The following CLDN10 variants were observed in gnomAD, a reference collection of about 807,000 sequenced individuals.
CLDN10 encodes claudin 10.
A neutral mutation model predicts 22.9 loss-of-function variants in CLDN10; 15 were observed. The ratio of observed to expected loss-of-function variants is 0.65; its 90% CI spans 0.44 to 1.01. CLDN10 has a LOEUF of 1.01. CLDN10 is among the 50% of genes least tolerant of loss of function. The pLI is 0.00. For missense variants in CLDN10, 247 were observed against 287.8 expected (o/e 0.86, Z 1.03); for synonymous variants, 114 against 111.4 (o/e 1.02, Z -0.15).
intron 1 of CLDN10, among the ~76,000 whole-genome samples, chr13:95,491,060 T>C (rs978223835): frequency 2.0e-5 from 3 of 152,200 alleles, no homozygotes; most frequent in South Asian, 4.1e-4. Context: ...TTTTGTCTAA[T>C]ATAAGAATAA....
chr13:95,517,885 G>A (rs149842571), intron 1 of CLDN10, among the ~76,000 whole-genome samples: 16 of 137,024 alleles, frequency 1.2e-4, no homozygotes, highest in Non-Finnish European at 2.0e-4. Context: ...AGTGAGCTGA[G>A]ATCGCGCCAT....
chr13:95,523,738 C>T (rs35118150), intron 1 of CLDN10, among the ~76,000 whole-genome samples: 15,145 of 152,128 alleles, frequency 0.1, 924 homozygotes, highest in Middle Eastern at 0.13. Flanking sequence ...CACCAATGCC[C>T]GGCTTATTTA....
At chr13:95,572,704 A>G (rs2043878782) in intron 3 of CLDN10, among the ~76,000 whole-genome samples, 1 of 152,134 alleles carries the variant, frequency 6.6e-6, no homozygotes, top group Non-Finnish European at 1.5e-5. Context: ...ACTTTACTGT[A>G]ATTATCAGTT....
chr13:95,574,509 C>T (rs2043899795), intron 3 of CLDN10, among the ~76,000 whole-genome samples: 2 of 152,152 alleles, frequency 1.3e-5, no homozygotes. Context: ...GTGGTTCACA[C>T]CTGTAATCTC....
At chr13:95,468,381 G>A (rs891390751) in intron 1 of CLDN10, among the ~76,000 whole-genome samples, 7 of 152,062 alleles carry the variant, frequency 4.6e-5, no homozygotes, top group Non-Finnish European at 7.4e-5. Context: ...ATGTTGAATC[G>A]ACCATTTCTC....
chr13:95,487,475 C>T (rs2042816167), intron 1 of CLDN10, among the ~76,000 whole-genome samples: 1 of 152,156 alleles, frequency 6.6e-6, no homozygotes, highest in Non-Finnish European at 1.5e-5. Flanking sequence ...CTCTTTCTGT[C>T]ATGTAGAAGT....
chr13:95,577,870 G>C, intron 4 of CLDN10, 30 bp from the exon 5 acceptor site: 1 of 1,476,258 alleles, frequency 6.8e-7, no homozygotes, highest in Non-Finnish European at 9.4e-7. Flanking sequence ...GTGTAGAATA[G>C]AATCTACCAA....
intron 1 of CLDN10, among the ~76,000 whole-genome samples, chr13:95,537,296 T>C (rs1224950690): frequency 6.6e-6 from 1 of 152,142 alleles, no homozygotes; most frequent in Non-Finnish European, 1.5e-5. Context: ...GGGTTGTTGG[T>C]TATTTGTTTT....
intron 1 of CLDN10, among the ~76,000 whole-genome samples, chr13:95,546,221 A>G (rs936415897): frequency 1.4e-4 from 21 of 152,258 alleles, no homozygotes; most frequent in Non-Finnish European, 3.1e-4. Flanking sequence ...CGCTGTAGAT[A>G]TTGACTGTAC....
intron 3 of CLDN10, among the ~76,000 whole-genome samples, chr13:95,570,678 T>C (rs1257214174): frequency 2.0e-5 from 3 of 151,854 alleles, no homozygotes; most frequent in Admixed American, 6.6e-5. Flanking sequence ...TGCAGTTGTC[T>C]TGACTGGATA....
At chr13:95,474,173 G>C (rs2042662755) in intron 1 of CLDN10, among the ~76,000 whole-genome samples, 1 of 152,154 alleles carries the variant, frequency 6.6e-6, no homozygotes, top group Non-Finnish European at 1.5e-5. Flanking sequence ...GTCCCATCTG[G>C]GGGTGATGGG....
intron 1 of CLDN10, among the ~76,000 whole-genome samples, chr13:95,535,809 G>A (rs776992121): frequency 9.9e-5 from 15 of 152,156 alleles, no homozygotes; most frequent in Non-Finnish European, 1.3e-4. Flanking sequence ...ACATGGAGAC[G>A]AATCGTGGAA....
At position 95,540,780 on chromosome 13, in the gene CLDN10, T is replaced by G. The variant is rs151268617; in HGVS notation, c.215-19352T>G. Among the ~76,000 whole-genome samples the G allele has an allele frequency of 2.9e-3, 441 of 152,308 alleles. 3 individuals are homozygous for G. Among genetic ancestry groups the G allele is most frequent in the African/African-American group, 9.9e-3 (410 of 41,558 alleles). Reference sequence around the variant, plus strand: ...ATTGATATAGGGAGTGAAGTTTTTTTGGGGGTTGGGGAGAGACATTGCTTT... The same window carrying G: ...ATTGATATAGGGAGTGAAGTTTTTTGGGGGGTTGGGGAGAGACATTGCTTT... On this transcript the variant is annotated intron_variant, in intron 1 of 4. Coordinates refer to the CLDN10 transcript ENST00000376873.
intron 1 of CLDN10, among the ~76,000 whole-genome samples, chr13:95,448,459 A>G (rs2042401980): frequency 6.6e-6 from 1 of 152,166 alleles, no homozygotes; most frequent in Non-Finnish European, 1.5e-5. Context: ...GACACCTCAT[A>G]CATGTCACAC....
intron 1 of CLDN10, among the ~76,000 whole-genome samples, chr13:95,502,791 G>C (rs1021528396): frequency 3.9e-5 from 6 of 152,194 alleles, no homozygotes; most frequent in African/African-American, 1.4e-4. Context: ...AAAGTGCTGG[G>C]ACTACAGGCA....
chr13:95,454,560 GTGGA>G (rs1325157844), intron 1 of CLDN10, among the ~76,000 whole-genome samples: 1 of 152,204 alleles, frequency 6.6e-6, no homozygotes, highest in African/African-American at 2.4e-5. Context: ...CTGTGGGGTT[GTGGA>G]TTGCAGGGCG....
chr13:95,452,010 TG>T (rs1566649795), intron 1 of CLDN10, among the ~76,000 whole-genome samples: 3 of 152,224 alleles, frequency 2.0e-5, no homozygotes, highest in African/African-American at 7.2e-5. Flanking sequence ...CGGCTCACCC[TG>T]GTTCTCAACA....
At chr13:95,508,080 C>T (rs1447061686) in intron 1 of CLDN10, among the ~76,000 whole-genome samples, 1 of 151,662 alleles carries the variant, frequency 6.6e-6, no homozygotes. Flanking sequence ...AGAGCATGAC[C>T]CTGTCTTAAA....
chr13:95,548,120 G>T (rs192594398), upstream of CLDN10, among the ~76,000 whole-genome samples: 119 of 152,286 alleles, frequency 7.8e-4, 1 homozygote, highest in African/African-American at 2.8e-3. Flanking sequence ...TTAACATACT[G>T]CCCCGACCTG....
Sources: gnomAD v4.1 joint callset for allele counts (sites outside exome capture counted in the v4.1 genomes callset) on GRCh38, gnomAD v4.1.1 for gene constraint, MANE v1.5 for transcripts, NCBI Gene and HGNC (gene_info 2026-07-23, HGNC 2026-07-21) for gene names.